The following NACC2 variants were observed in gnomAD, a reference collection of about 807,000 sequenced individuals.
NACC2 encodes NACC family member 2.
Under a neutral mutation model 25.1 loss-of-function variants are expected in NACC2, and 8 were observed. That is an observed-to-expected ratio of 0.32 (90% CI 0.19 to 0.57). The LOEUF is 0.57. Among genes scored for constraint, NACC2 ranks in the 20% least tolerant of loss-of-function variants. The probability of loss-of-function intolerance (pLI) is 0.89; values close to 1 mark genes in which losing one functional copy is unlikely to be tolerated. For missense variants in NACC2, 644 were observed against 650.2 expected, an observed-to-expected ratio of 0.99 and a Z score of 0.10; for synonymous variants, 435 against 294.7, an observed-to-expected ratio of 1.48 and a Z score of -4.88.
At chr9:136,049,025 C>T (rs1366510937) in intron 2 of NACC2, among the ~76,000 whole-genome samples, 2 of 152,232 alleles carry the variant, frequency 1.3e-5, no homozygotes, top group Non-Finnish European at 1.5e-5. Flanking sequence ...GGACTCTGCC[C>T]AGCAAAGCCT....
rs1399601670 is a variant in NACC2, at chr9:136,007,486, C to A, written c.*4030G>T. 6.6e-6 allele frequency: 1 copy of A among 151,862 alleles called. No homozygotes were observed. The allele number at this position is 151,862 out of a possible 1,614,324, so 9.4% of individuals were successfully genotyped here. ...AGACGCACACACACAGACGCACACA[C>A]GCACAGACACACACATGCACAGACG... is the stretch of plus-strand genomic sequence containing the variant. On this transcript the variant is annotated 3_prime_UTR_variant, in exon 6 of 6. Transcript: ENST00000277554.
At chr9:136,014,231 T>TC (rs1283639746) in intron 3 of NACC2, among the ~76,000 whole-genome samples, 38 of 142,016 alleles carry the variant, frequency 2.7e-4, no homozygotes, top group Admixed American at 2.6e-3. Context: ...CCCCCCACCC[T>TC]CCCCAACGAG....
intron 1 of NACC2, among the ~76,000 whole-genome samples, chr9:136,051,684 G>A (rs1425173937): frequency 2.6e-5 from 4 of 152,086 alleles, no homozygotes; most frequent in African/African-American, 9.7e-5. Context: ...GGGGCGGCCC[G>A]CAGTGCCCCC....
intron 1 of NACC2, among the ~76,000 whole-genome samples, chr9:136,067,573 C>A (rs1414530016): frequency 6.6e-6 from 1 of 152,138 alleles, no homozygotes; most frequent in East Asian, 1.9e-4. Context: ...CGCGGTGGCT[C>A]ACGCCTGTAA....
At chr9:136,048,565 T>C (rs1291872647) in intron 2 of NACC2, among the ~76,000 whole-genome samples, 2 of 152,226 alleles carry the variant, frequency 1.3e-5, no homozygotes, top group East Asian at 3.8e-4. Flanking sequence ...AATATACATT[T>C]AAACCAAGTG....
At chr9:136,014,751 T>TG (rs1787389463) in intron 3 of NACC2, among the ~76,000 whole-genome samples, 1 of 152,154 alleles carries the variant, frequency 6.6e-6, no homozygotes, top group African/African-American at 2.4e-5. Context: ...CAGGGCCCAG[T>TG]GCTGACCTCC....
chr9:136,013,165 G>GGCCCCCCCC lies in NACC2; in HGVS notation c.1255+33_1255+34insGGGGGGGGC. On this transcript the variant is annotated intron_variant, in intron 5 of 5. Coordinates refer to ENST00000277554, the MANE Select transcript of NACC2 (RefSeq NM_144653.5). This position sits in a 1 kb window ranked among gnomAD's most constrained non-coding sequence, Gnocchi z 6.6. ...AGGCTGGGATCTGAACCCAGCCCCG[G>GGCCCCCCCC]CCCCACCCACCCGAGAGACCCCCAG... 1 of 706,956 alleles carries GGCCCCCCCC rather than the reference G, an allele frequency of 1.4e-6. No homozygotes were observed. Among genetic ancestry groups the GGCCCCCCCC allele is most frequent in the South Asian group, 1.4e-5 (1 of 71,742 alleles). 43.8% of individuals were successfully genotyped at this position (706,956 alleles called of 1,614,324 possible).
intron 2 of NACC2, among the ~76,000 whole-genome samples, chr9:136,025,745 T>C (rs887977275): frequency 6.6e-6 from 1 of 151,468 alleles, no homozygotes; most frequent in Non-Finnish European, 1.5e-5. Flanking sequence ...AGACCTCGCC[T>C]CTACTAAAAA....
intron 2 of NACC2, among the ~76,000 whole-genome samples, chr9:136,049,070 A>T (rs906731929): frequency 1.3e-5 from 2 of 152,266 alleles, no homozygotes; most frequent in South Asian, 2.1e-4. Flanking sequence ...AGGAATCTCC[A>T]ATTAGGGCAA....
chr9:136,060,076 C>T (rs562056662), intron 1 of NACC2, among the ~76,000 whole-genome samples: 8 of 152,356 alleles, frequency 5.3e-5, no homozygotes, highest in South Asian at 2.1e-4. Context: ...TCTGCCCTGG[C>T]GGCATGCCCA....
intron 2 of NACC2, among the ~76,000 whole-genome samples, chr9:136,023,333 C>T (rs370938188): frequency 1.3e-5 from 2 of 151,892 alleles, no homozygotes; most frequent in East Asian, 3.9e-4. Flanking sequence ...CCCTGCAGCC[C>T]GCCAGGGCAC....
rs1170485340 is a variant in NACC2, at chr9:136,089,792, T to TA, written c.-60+5396dup. Among the ~76,000 whole-genome samples the TA allele has an allele frequency of 1.1e-3, 166 of 150,624 alleles. 1 individual carries two copies. Among genetic ancestry groups the TA allele is most frequent in the Non-Finnish European group, 1.4e-3 (92 of 67,578 alleles). ...AAAGCTTTTTTTTTTTCTTTTTTAT[T>TA]AAAAAAAAATCCAATTATAGCACAA... On this transcript the variant is annotated intron_variant, in intron 1 of 5. Transcript: ENST00000277554.
chr9:136,093,025 C>A lies in NACC2; in HGVS notation c.-60+2164G>T, dbSNP rs1241447501. ...TCTGCCCCACTGACGGTGGCTGGGGCCACTGGGCACTCGGTGCCCTGTGCG... is the reference window on the plus strand; with the variant it reads ...TCTGCCCCACTGACGGTGGCTGGGGACACTGGGCACTCGGTGCCCTGTGCG... On this transcript the variant is annotated intron_variant, in intron 1 of 5. Coordinates refer to ENST00000277554, the MANE Select transcript of NACC2 (RefSeq NM_144653.5). Among the ~76,000 whole-genome samples the A allele has an allele frequency of 2.6e-5, 4 of 152,296 alleles. No individual in the cohort carries two copies. In the East Asian group the frequency reaches 7.7e-4, roughly 29 times the overall value.
In NACC2 at chr9:136,012,657, T is replaced by G. The variant is rs111577093; in HGVS notation, c.1255+542A>C. Among the ~76,000 whole-genome samples the G allele has an allele frequency of 6.7e-5, 10 of 150,320 alleles. No individual in the cohort carries two copies. The East Asian group carries it at 1.4e-3, about 20-fold the overall frequency. On this transcript the variant is annotated intron_variant, in intron 5 of 5. Coordinates refer to ENST00000277554, the MANE Select transcript of NACC2 (RefSeq NM_144653.5). Reference sequence around the variant, plus strand: ...AACAGAATTTGCCTCACAAGGTTTTTTTTTTTTTTTTTTTTTCTTTTTTTT... The same window carrying G: ...AACAGAATTTGCCTCACAAGGTTTTGTTTTTTTTTTTTTTTTCTTTTTTTT...
intron 2 of NACC2, among the ~76,000 whole-genome samples, chr9:136,034,951 G>A (rs978677642): frequency 1.1e-4 from 17 of 152,012 alleles, no homozygotes; most frequent in Admixed American, 5.9e-4. Context: ...AAAATTAGCC[G>A]GGCATGGTGG....
At chr9:136,069,880 C>T (rs900818552) in intron 1 of NACC2, among the ~76,000 whole-genome samples, 15 of 151,800 alleles carry the variant, frequency 9.9e-5, no homozygotes, top group African/African-American at 3.7e-4. Flanking sequence ...ACTTCAACAG[C>T]CTTCTCTAAA....
intron 5 of NACC2, 68 bp from the exon 6 acceptor site, chr9:136,012,092 C>CAG (rs1840120117): frequency 6.9e-7 from 1 of 1,453,340 alleles, no homozygotes; most frequent in Non-Finnish European, 9.1e-7. Flanking sequence ...CCCAAGGCCA[C>CAG]AGAACCATGA....
At chr9:136,023,426 A>G (rs1840328135) in intron 2 of NACC2, among the ~76,000 whole-genome samples, 1 of 152,066 alleles carries the variant, frequency 6.6e-6, no homozygotes, top group Admixed American at 6.5e-5. Flanking sequence ...CAACAGTCCC[A>G]TCAAACCTGG....
At chr9:136,072,111 G>A (rs768204715) in intron 1 of NACC2, among the ~76,000 whole-genome samples, 43 of 152,038 alleles carry the variant, frequency 2.8e-4, no homozygotes, top group African/African-American at 4.1e-4. Flanking sequence ...GGTGATGTGC[G>A]CCTATAATCC....
Sources: allele counts gnomAD v4.1 joint callset (sites outside exome capture counted in the v4.1 genomes callset), GRCh38; gene constraint gnomAD v4.1.1; non-coding constraint Gnocchi (gnomAD v3.1); transcripts MANE v1.5; gene names NCBI Gene and HGNC (gene_info 2026-07-23, HGNC 2026-07-21).